Variants in DCC observed in about 807,000 individuals in gnomAD.
DCC encodes the protein DCC netrin 1 receptor.
Under a neutral mutation model 172.5 loss-of-function variants are expected in DCC, and 58 were observed. The observed-to-expected ratio is 0.34, with a 90% CI of 0.27 to 0.42. DCC has a LOEUF of 0.42. Ranked by LOEUF, DCC falls within the 10% of genes least tolerant of loss-of-function variation. The probability of loss-of-function intolerance (pLI) is 1.00; values close to 1 mark genes in which losing one functional copy is unlikely to be tolerated. For synonymous variants in DCC, 709 were observed against 644.5 expected (o/e 1.10, Z -1.52); for missense variants, 1,740 against 1,791.0 (o/e 0.97, Z 0.51).
At chr18:52,937,974 C>T (rs2040405630) in intron 5 of DCC, among the ~76,000 whole-genome samples, 2 of 152,040 alleles carry the variant, frequency 1.3e-5, no homozygotes, top group Non-Finnish European at 2.9e-5. Context: ...CAAGATTAGA[C>T]CCGGTGAAAT....
intron 1 of DCC, among the ~76,000 whole-genome samples, chr18:52,417,196 T>C (rs574364430): frequency 1.1e-4 from 16 of 152,308 alleles, no homozygotes; most frequent in African/African-American, 3.8e-4. Flanking sequence ...TGTTGAATAT[T>C]GGCCCCCACT....
intron 12 of DCC, among the ~76,000 whole-genome samples, chr18:53,251,453 T>C (rs548917450): frequency 6.4e-4 from 97 of 152,102 alleles, no homozygotes; most frequent in Non-Finnish European, 1.2e-3. Context: ...TGGATATAAC[T>C]AACAATAACA....
At chr18:52,478,597 A>C (rs149010182) in intron 1 of DCC, among the ~76,000 whole-genome samples, 213 of 152,318 alleles carry the variant, frequency 1.4e-3, no homozygotes, top group Middle Eastern at 6.8e-3. Flanking sequence ...GCTGTACAGG[A>C]AGCATGCTGT....
At chr18:53,507,533 T>C (rs2144510514) in intron 27 of DCC, among the ~76,000 whole-genome samples, 1 of 152,306 alleles carries the variant, frequency 6.6e-6, no homozygotes, top group African/African-American at 2.4e-5. Context: ...CATCTTAGGC[T>C]TGCAGGAGGA....
At chr18:52,968,521 G>A (rs897833683) in intron 5 of DCC, among the ~76,000 whole-genome samples, 14 of 151,932 alleles carry the variant, frequency 9.2e-5, no homozygotes, top group African/African-American at 2.9e-4. Flanking sequence ...CAGGAGGCTC[G>A]GAGTCTCACT....
chr18:52,411,941 T>A (rs936215728), intron 1 of DCC, among the ~76,000 whole-genome samples: 8 of 152,130 alleles, frequency 5.3e-5, no homozygotes, highest in African/African-American at 1.9e-4. Context: ...CAGCCCACGT[T>A]CAAAGTGCCT....
chr18:53,324,080 G>C (rs1035073407), intron 14 of DCC, among the ~76,000 whole-genome samples: 1 of 152,166 alleles, frequency 6.6e-6, no homozygotes, highest in Non-Finnish European at 1.5e-5. Context: ...ATTTTGTAGA[G>C]ATTACTCTGG....
intron 7 of DCC, among the ~76,000 whole-genome samples, chr18:53,094,956 A>G (rs565217991): frequency 1.8e-4 from 27 of 152,340 alleles, no homozygotes; most frequent in African/African-American, 5.5e-4. Context: ...AGAACTCTAT[A>G]TTAAATGAAA....
At chr18:53,098,941 A>T (rs1332442626) in intron 7 of DCC, among the ~76,000 whole-genome samples, 2 of 152,046 alleles carry the variant, frequency 1.3e-5, no homozygotes, top group African/African-American at 4.8e-5. Flanking sequence ...GAGCCCACGA[A>T]TTCAAGGCTG....
At chr18:52,657,994 G>C (rs998130296) in intron 1 of DCC, among the ~76,000 whole-genome samples, 1 of 152,158 alleles carries the variant, frequency 6.6e-6, no homozygotes, top group African/African-American at 2.4e-5. Context: ...GCCTGGAGGA[G>C]TTTCTGGTTT....
intron 22 of DCC, among the ~76,000 whole-genome samples, chr18:53,446,292 A>T (rs1013385425): frequency 6.6e-6 from 1 of 152,038 alleles, no homozygotes; most frequent in Non-Finnish European, 1.5e-5. Flanking sequence ...TTTCTAAAAA[A>T]GGAAAAAAAC....
chr18:53,043,016 ACGTATGTT>A (rs2042190606), intron 5 of DCC, among the ~76,000 whole-genome samples: 1 of 151,964 alleles, frequency 6.6e-6, no homozygotes, highest in Non-Finnish European at 1.5e-5. Flanking sequence ...ACATATGCAC[ACGTATGTT>A]TATTGCAGCA....
At chr18:53,522,705 C>T (rs1339716562) in intron 27 of DCC, among the ~76,000 whole-genome samples, 1 of 152,116 alleles carries the variant, frequency 6.6e-6, no homozygotes, top group Non-Finnish European at 1.5e-5. Flanking sequence ...GGAAAACTGG[C>T]TAGCCATATG....
intron 1 of DCC, among the ~76,000 whole-genome samples, chr18:52,457,567 C>A (rs1407994313): frequency 6.6e-6 from 1 of 152,044 alleles, no homozygotes; most frequent in African/African-American, 2.4e-5. Flanking sequence ...ATGTCAGTAT[C>A]ATAAATGTGC....
intron 9 of DCC, among the ~76,000 whole-genome samples, chr18:53,199,500 T>C (rs968284189): frequency 6.6e-6 from 1 of 152,140 alleles, no homozygotes; most frequent in African/African-American, 2.4e-5. Context: ...AAATATACTT[T>C]ATGGATATGG....
At chr18:53,466,972 G>A (rs2045629403) in intron 24 of DCC, among the ~76,000 whole-genome samples, 1 of 152,044 alleles carries the variant, frequency 6.6e-6, no homozygotes, top group Admixed American at 6.6e-5. Flanking sequence ...TAATTATGCT[G>A]TTAATTTTTT....
intron 1 of DCC, among the ~76,000 whole-genome samples, chr18:52,425,977 C>G (rs116949609): frequency 6.6e-6 from 1 of 152,064 alleles, no homozygotes; most frequent in African/African-American, 2.4e-5. Flanking sequence ...AAGTGTTACC[C>G]TAAACATTAG....
At chr18:52,835,416 A>T (rs974899445) in intron 2 of DCC, among the ~76,000 whole-genome samples, 4 of 152,232 alleles carry the variant, frequency 2.6e-5, no homozygotes, top group Admixed American at 2.6e-4. Flanking sequence ...AATAGGGAAA[A>T]TATTGCTGAT....
intron 13 of DCC, among the ~76,000 whole-genome samples, chr18:53,313,434 C>T (rs1156557065): frequency 6.6e-6 from 1 of 151,918 alleles, no homozygotes; most frequent in Admixed American, 6.6e-5. Flanking sequence ...TTAGTAGAAA[C>T]GGAGTTTCAC....
Sources: allele counts gnomAD v4.1 joint callset (sites outside exome capture counted in the v4.1 genomes callset), GRCh38; gene constraint gnomAD v4.1.1; transcripts MANE v1.5; gene names NCBI Gene and HGNC (gene_info 2026-07-23, HGNC 2026-07-21).